Variants in KDM4B observed in about 807,000 individuals in gnomAD.
KDM4B encodes lysine-specific demethylase 4B.
In KDM4B, 32 loss-of-function variants were observed where a neutral mutation model predicts 125.2. That is an observed-to-expected ratio of 0.26 (90% CI 0.19 to 0.34). The LOEUF (loss-of-function observed/expected upper bound fraction) is 0.34, where lower values mean the gene tolerates loss of function less well. KDM4B is among the 10% of genes least tolerant of loss of function. KDM4B has a pLI of 1.00. For synonymous variants in KDM4B, 721 were observed against 677.9 expected (o/e 1.06, Z -0.99); for missense variants, 1,190 against 1,577.7 (o/e 0.75, Z 4.16).
chr19:5,146,842 G>A (rs1229926313), intron 21 of KDM4B, among the ~76,000 whole-genome samples: 2 of 144,248 alleles, frequency 1.4e-5, no homozygotes, highest in Non-Finnish European at 3.0e-5. Context: ...TCGGGATGCT[G>A]AGGTGGGAGG....
chr19:5,113,460 C>T (rs2039192621), intron 10 of KDM4B: 1 of 154,280 alleles, frequency 6.5e-6, no homozygotes, highest in Non-Finnish European at 1.4e-5. Context: ...CCCCCCTGAG[C>T]AGTGCCCTCT....
At chr19:4,995,515 C>A (rs1326639276) in intron 1 of KDM4B, among the ~76,000 whole-genome samples, 2 of 151,944 alleles carry the variant, frequency 1.3e-5, no homozygotes, top group African/African-American at 4.8e-5. Context: ...CTGACCTCAA[C>A]CGATCTGCCT....
intron 15 of KDM4B, 21 bp downstream of exon 15, chr19:5,135,582 CA>C (rs1252561836): frequency 1.3e-6 from 2 of 1,561,914 alleles, no homozygotes; most frequent in African/African-American, 2.7e-5. Context: ...CTGTGGGGCC[CA>C]GAGGAGCTGC....
At chr19:5,020,753 C>T (rs1218209151) in intron 2 of KDM4B, among the ~76,000 whole-genome samples, 2 of 152,210 alleles carry the variant, frequency 1.3e-5, no homozygotes, top group Non-Finnish European at 2.9e-5. Flanking sequence ...TTTCCTTGTT[C>T]AGGCCTCGTA....
chr19:5,118,824 C>T (rs2620854), intron 10 of KDM4B, among the ~76,000 whole-genome samples: 38,981 of 152,216 alleles, frequency 0.26, 5,341 homozygotes, highest in East Asian at 0.63. Flanking sequence ...GGGACCTCCC[C>T]GATGTACCCC....
chr19:4,986,588 T>C (rs2034840418), intron 1 of KDM4B, among the ~76,000 whole-genome samples: 1 of 152,162 alleles, frequency 6.6e-6, no homozygotes, highest in African/African-American at 2.4e-5. Flanking sequence ...GGCCAGGTGC[T>C]GAGGGGCCGG....
In KDM4B at chr19:5,115,388, C is replaced by A. The variant is rs1196082207; in HGVS notation, c.1116-4265C>A. ...AGCTGCCAGCCTCACATCCCCCCAA[C>A]CCCCAAGGCCAGGAGAGACAATAGA... On this transcript the variant is annotated intron_variant, in intron 10 of 22. Transcript: ENST00000159111. This position sits in a 1 kb window ranked among gnomAD's most constrained non-coding sequence, Gnocchi z 4.2. 6.6e-6 allele frequency among the ~76,000 whole-genome samples: 1 copy of A among 152,120 alleles called. No homozygotes were observed. Among genetic ancestry groups the A allele is most frequent in the East Asian group, 1.9e-4 (1 of 5,188 alleles).
chr19:5,092,870 C>G (rs2038739854), intron 9 of KDM4B, among the ~76,000 whole-genome samples: 1 of 152,182 alleles, frequency 6.6e-6, no homozygotes. Flanking sequence ...TGAGTCGTAA[C>G]CTGGAGAGTG....
intron 1 of KDM4B, among the ~76,000 whole-genome samples, chr19:4,981,988 C>T (rs8104065): frequency 0.067 from 10,197 of 152,236 alleles, 1,030 homozygotes; most frequent in African/African-American, 0.21. Context: ...GTTACTAAAA[C>T]GATTACAAAA....
Position 4,971,673 on chromosome 19 carries a change from T to C in KDM4B, c.-109+2443T>C, listed in dbSNP as rs1281565464. On this transcript the variant is annotated intron_variant, in intron 1 of 22. Coordinates refer to ENST00000159111, the MANE Select transcript of KDM4B (RefSeq NM_015015.3). This position sits in a 1 kb window ranked among gnomAD's most constrained non-coding sequence, Gnocchi z 4.1. ...GTAGTGGGGGAAAGGGTGAGCTGGC[T>C]GCCCAGGGCCTGGTCACAGCTGGAA... 6.6e-6 allele frequency among the ~76,000 whole-genome samples: 1 copy of C among 152,148 alleles called. No homozygotes were observed. The highest frequency in any genetic ancestry group is 1.9e-4 in the East Asian group (1 of 5,192).
At chr19:5,003,750 A>G (rs2035465421) in intron 1 of KDM4B, among the ~76,000 whole-genome samples, 1 of 151,886 alleles carries the variant, frequency 6.6e-6, no homozygotes, top group African/African-American at 2.4e-5. Flanking sequence ...TGGAGGTTGT[A>G]GTGAGCTGAG....
chr19:4,969,612 C>T (rs554465745), intron 1 of KDM4B, among the ~76,000 whole-genome samples: 3 of 151,962 alleles, frequency 2.0e-5, no homozygotes, highest in Non-Finnish European at 2.9e-5. Context: ...CCGGGACAAG[C>T]CTCGGCCTAT....
chr19:5,062,094 C>G (rs1000767797), intron 6 of KDM4B, among the ~76,000 whole-genome samples: 1 of 152,184 alleles, frequency 6.6e-6, no homozygotes. Flanking sequence ...GCGAAAGGGT[C>G]TCACTCCTCC....
chr19:5,088,289 C>T (rs1400688765), intron 9 of KDM4B, among the ~76,000 whole-genome samples: 1 of 152,214 alleles, frequency 6.6e-6, no homozygotes, highest in African/African-American at 2.4e-5. Flanking sequence ...CGCTCACATC[C>T]AGCTCTTAGC....
chr19:5,063,808 G>A (rs545750765), intron 6 of KDM4B, among the ~76,000 whole-genome samples: 5 of 152,360 alleles, frequency 3.3e-5, no homozygotes, highest in African/African-American at 9.6e-5. Context: ...TTAACACGGC[G>A]CAGCACGGTG....
chr19:5,089,065 G>A (rs927139448), intron 9 of KDM4B, among the ~76,000 whole-genome samples: 2 of 152,166 alleles, frequency 1.3e-5, no homozygotes, highest in Non-Finnish European at 2.9e-5. Context: ...GACAACGGAT[G>A]GGGACGGGTT....
At chr19:5,052,860 T>C (rs915027578) in intron 6 of KDM4B, among the ~76,000 whole-genome samples, 1 of 152,222 alleles carries the variant, frequency 6.6e-6, no homozygotes, top group African/African-American at 2.4e-5. Context: ...CACTGGGACT[T>C]CCAGCTTCTG....
chr19:4,980,763 C>T (rs1199275068), intron 1 of KDM4B, among the ~76,000 whole-genome samples: 1 of 152,096 alleles, frequency 6.6e-6, no homozygotes, highest in Non-Finnish European at 1.5e-5. Flanking sequence ...TCCTATTCCC[C>T]TGTGCGGGGG....
At chr19:5,057,339 A>T (rs2037443635) in intron 6 of KDM4B, among the ~76,000 whole-genome samples, 1 of 152,114 alleles carries the variant, frequency 6.6e-6, no homozygotes, top group African/African-American at 2.4e-5. Context: ...GTGTGTGTGT[A>T]AGATTCATCC....
Sources: allele counts gnomAD v4.1 joint callset (sites outside exome capture counted in the v4.1 genomes callset), GRCh38; gene constraint gnomAD v4.1.1; non-coding constraint Gnocchi (gnomAD v3.1); transcripts MANE v1.5; gene names NCBI Gene and HGNC (gene_info 2026-07-23, HGNC 2026-07-21).